Variants in KIF16B observed in about 807,000 individuals in gnomAD.
KIF16B encodes the protein kinesin-like protein KIF16B.
A neutral mutation model predicts 156.3 loss-of-function variants in KIF16B; 98 were observed. The observed-to-expected ratio is 0.63, with a 90% confidence interval of 0.53 to 0.74. KIF16B has a LOEUF of 0.74. Among genes scored for constraint, KIF16B ranks in the 30% least tolerant of loss-of-function variants. KIF16B has a pLI of 0.00. For missense variants in KIF16B, 1,421 were observed against 1,606.5 expected, an observed-to-expected ratio of 0.88 and a Z score of 1.97; for synonymous variants, 564 against 583.7, an observed-to-expected ratio of 0.97 and a Z score of 0.49.
At chr20:16,284,609 C>G (rs539746722) in intron 25 of KIF16B, among the ~76,000 whole-genome samples, 2 of 152,168 alleles carry the variant, frequency 1.3e-5, no homozygotes, top group East Asian at 3.9e-4. Flanking sequence ...AGATTAAGCA[C>G]ACAGGGACAC....
In KIF16B at chr20:16,515,003, G is replaced by A. The variant is rs201000524; in HGVS notation, c.348+545C>T. ...CTAGTTTTTACTCCTCTGTATTTTG[G>A]GGCAAGTATAACATTAATATCAGTT... On this transcript the variant is annotated intron_variant, in intron 4 of 25. Transcript: ENST00000354981. Among the ~76,000 whole-genome samples the A allele has an allele frequency of 7.9e-5, 12 of 151,694 alleles. No individual in the cohort carries two copies. In the East Asian group the frequency reaches 2.1e-3, roughly 27 times the overall value.
intron 4 of KIF16B, among the ~76,000 whole-genome samples, chr20:16,514,742 T>C (rs2069082177): frequency 6.6e-6 from 1 of 151,238 alleles, no homozygotes; most frequent in African/African-American, 2.4e-5. Context: ...AATACAAAAA[T>C]TAGCAGGGCG....
intron 24 of KIF16B, among the ~76,000 whole-genome samples, chr20:16,329,900 T>G (rs1286092807): frequency 6.6e-6 from 1 of 152,228 alleles, no homozygotes; most frequent in Non-Finnish European, 1.5e-5. Flanking sequence ...ACAGTGAATC[T>G]GAAAACAGAA....
At chr20:16,397,181 C>T (rs994086113) in intron 17 of KIF16B, among the ~76,000 whole-genome samples, 2 of 152,158 alleles carry the variant, frequency 1.3e-5, no homozygotes, top group African/African-American at 2.4e-5. Context: ...TTCTTAAAGA[C>T]GCTGCACCAG....
intron 25 of KIF16B, among the ~76,000 whole-genome samples, chr20:16,289,562 G>A (rs558307184): frequency 9.8e-4 from 149 of 152,274 alleles, no homozygotes; most frequent in Non-Finnish European, 1.5e-3. Flanking sequence ...TATTTAAAGA[G>A]TTGTGTTAAG....
chr20:16,465,549 T>A (rs2067466872), intron 12 of KIF16B, among the ~76,000 whole-genome samples: 1 of 152,226 alleles, frequency 6.6e-6, no homozygotes. Flanking sequence ...CATTCCTACA[T>A]AAATACACAC....
intron 25 of KIF16B, among the ~76,000 whole-genome samples, chr20:16,284,555 G>C (rs544394129): frequency 6.6e-6 from 1 of 152,114 alleles, no homozygotes; most frequent in Non-Finnish European, 1.5e-5. Flanking sequence ...TTCCTCTTCT[G>C]TTACCAGGCA....
At chr20:16,540,850 C>T (rs911468810) in intron 1 of KIF16B, among the ~76,000 whole-genome samples, 1 of 152,166 alleles carries the variant, frequency 6.6e-6, no homozygotes, top group Non-Finnish European at 1.5e-5. Context: ...ATGACTGTGT[C>T]CCAAATATTG....
chr20:16,411,929 CGTGTGTGTGTGTGT>C lies in KIF16B; in HGVS notation c.1613-5487_1613-5474del, dbSNP rs36019156. Among the ~76,000 whole-genome samples the C allele has an allele frequency of 2.8e-4, 37 of 134,106 alleles. 1 individual carries two copies. In the East Asian group the frequency reaches 6.9e-3, roughly 25 times the overall value. The allele number at this position is 134,106 out of a possible 152,430, so 88.0% of individuals were successfully genotyped here. On this transcript the variant is annotated intron_variant, in intron 15 of 25. Coordinates refer to ENST00000354981, the MANE Select transcript of KIF16B (RefSeq NM_024704.5). ...CGGATTTCTGATGAGGAATGTTCAA[CGTGTGTGTGTGTGT>C]GTGTGTGTGTGTGTGTGTGTGTGTG...
At chr20:16,495,732 T>C (rs1278078421) in intron 11 of KIF16B, among the ~76,000 whole-genome samples, 1 of 152,130 alleles carries the variant, frequency 6.6e-6, no homozygotes, top group Non-Finnish European at 1.5e-5. Flanking sequence ...CACTGTTGCC[T>C]GGGTTGGAGT....
intron 12 of KIF16B, among the ~76,000 whole-genome samples, chr20:16,440,972 C>T (rs1322007324): frequency 6.6e-6 from 1 of 152,160 alleles, no homozygotes; most frequent in Non-Finnish European, 1.5e-5. Flanking sequence ...AAAGAAATTA[C>T]GTGTGAAAAT....
chr20:16,432,611 C>T (rs2066531574), intron 12 of KIF16B, among the ~76,000 whole-genome samples: 2 of 152,134 alleles, frequency 1.3e-5, no homozygotes, highest in South Asian at 2.1e-4. Context: ...GACAAGGGAA[C>T]TCCTGGGAGG....
At chr20:16,444,207 C>T (rs1485836952) in intron 12 of KIF16B, among the ~76,000 whole-genome samples, 1 of 152,190 alleles carries the variant, frequency 6.6e-6, no homozygotes, top group Non-Finnish European at 1.5e-5. Context: ...AACTATTTGG[C>T]AGTGTCTTCT....
chr20:16,343,997 T>C (rs895771579), intron 23 of KIF16B, among the ~76,000 whole-genome samples: 1 of 152,160 alleles, frequency 6.6e-6, no homozygotes, highest in Non-Finnish European at 1.5e-5. Flanking sequence ...GATAACTATG[T>C]GTGATTTGAA....
At chr20:16,431,178 T>C (rs572256620) in intron 12 of KIF16B, among the ~76,000 whole-genome samples, 3 of 152,240 alleles carry the variant, frequency 2.0e-5, no homozygotes, top group Admixed American at 1.3e-4. Flanking sequence ...CAAACCATCA[T>C]TGTCTTTCAC....
At chr20:16,311,291 C>T (rs1310843587) in intron 25 of KIF16B, among the ~76,000 whole-genome samples, 1 of 152,124 alleles carries the variant, frequency 6.6e-6, no homozygotes, top group Admixed American at 6.5e-5. Context: ...GAGCTCGAGA[C>T]CAGCTTGGCC....
intron 22 of KIF16B, among the ~76,000 whole-genome samples, chr20:16,356,953 T>A (rs922369841): frequency 6.6e-6 from 1 of 152,236 alleles, no homozygotes; most frequent in African/African-American, 2.4e-5. Flanking sequence ...GAAAGCTCTT[T>A]AAACCACAAT....
chr20:16,562,886 C>T (rs1341128894), intron 1 of KIF16B, among the ~76,000 whole-genome samples: 1 of 152,166 alleles, frequency 6.6e-6, no homozygotes, highest in Non-Finnish European at 1.5e-5. Flanking sequence ...TAATGATGTT[C>T]ACCCCTGTAG....
intron 3 of KIF16B, among the ~76,000 whole-genome samples, chr20:16,519,634 C>A (rs2069261978): frequency 6.6e-6 from 1 of 152,182 alleles, no homozygotes; most frequent in Non-Finnish European, 1.5e-5. Flanking sequence ...CCTGAGATTT[C>A]ACATTTCTAA....
Sources: gnomAD v4.1 joint callset for allele counts (sites outside exome capture counted in the v4.1 genomes callset) on GRCh38, gnomAD v4.1.1 for gene constraint, MANE v1.5 for transcripts, NCBI Gene and HGNC (gene_info 2026-07-23, HGNC 2026-07-21) for gene names.